FNDC3B: variants seen among roughly 807,000 people sequenced by gnomAD.
FNDC3B encodes fibronectin type III domain containing 3B.
In FNDC3B, 12 loss-of-function variants were observed where a neutral mutation model predicts 151.5. The observed-to-expected ratio is 0.08, with a 90% CI of 0.05 to 0.13. The LOEUF (loss-of-function observed/expected upper bound fraction) is 0.13. Ranked by LOEUF, FNDC3B falls within the 10% of genes least tolerant of loss-of-function variation. The probability of loss-of-function intolerance (pLI) is 1.00; values close to 1 mark genes in which losing one functional copy is unlikely to be tolerated. For missense variants in FNDC3B, 1,214 were observed against 1,505.3 expected, an observed-to-expected ratio of 0.81 and a Z score of 3.20; for synonymous variants, 528 against 549.0, an observed-to-expected ratio of 0.96 and a Z score of 0.54.
intron 3 of FNDC3B, among the ~76,000 whole-genome samples, chr3:172,190,174 T>C (rs1724429982): frequency 6.6e-6 from 1 of 152,130 alleles, no homozygotes; most frequent in Non-Finnish European, 1.5e-5. Flanking sequence ...CCTGACCCTT[T>C]ATAAAGGTGC....
chr3:172,388,348 T>A (rs1353190084), intron 25 of FNDC3B, among the ~76,000 whole-genome samples: 5 of 152,234 alleles, frequency 3.3e-5, no homozygotes, highest in Non-Finnish European at 7.3e-5. Flanking sequence ...TCATTTGGAA[T>A]AAACATGTCA....
chr3:172,254,245 T>G (rs781569655), intron 6 of FNDC3B, among the ~76,000 whole-genome samples: 1 of 152,212 alleles, frequency 6.6e-6, no homozygotes, highest in Non-Finnish European at 1.5e-5. Flanking sequence ...ATTTCTCTCT[T>G]GAGGTCTAGT....
chr3:172,239,826 A>G (rs1727387256), intron 4 of FNDC3B, among the ~76,000 whole-genome samples: 1 of 144,004 alleles, frequency 6.9e-6, no homozygotes, highest in Non-Finnish European at 1.5e-5. Context: ...TCAAAAAAAT[A>G]TAAATGTTTT....
At chr3:172,318,565 G>C (rs1382346087) in intron 11 of FNDC3B, among the ~76,000 whole-genome samples, 3 of 152,172 alleles carry the variant, frequency 2.0e-5, no homozygotes, top group African/African-American at 7.2e-5. Flanking sequence ...GAAGGGAATG[G>C]AGCAGCTACA....
chr3:172,091,615 G>C (rs577475409), intron 1 of FNDC3B, among the ~76,000 whole-genome samples: 3 of 152,196 alleles, frequency 2.0e-5, no homozygotes, highest in South Asian at 4.1e-4. Context: ...ATTTGCTTTG[G>C]AGCATCTTAA....
At chr3:172,362,575 T>A (rs1378334904) in intron 22 of FNDC3B, 58 bp from the exon 23 acceptor site, 1 of 1,247,766 alleles carries the variant, frequency 8.0e-7, no homozygotes, top group Admixed American at 1.7e-5. Flanking sequence ...TTATTTCGAA[T>A]GAAGAATTGC....
chr3:172,084,472 T>TACACACACACACACAC (rs138156277), intron 1 of FNDC3B, among the ~76,000 whole-genome samples: 30,801 of 143,120 alleles, frequency 0.22, 3,791 homozygotes, highest in Admixed American at 0.3. Flanking sequence ...TGTATATGTA[T>TACACACACACACACAC]ACACACACAC....
chr3:172,328,886 T>C (rs534399132), intron 11 of FNDC3B, 66 bp from the exon 12 acceptor site: 3 of 1,277,694 alleles, frequency 2.3e-6, no homozygotes, highest in Non-Finnish European at 3.2e-6. Flanking sequence ...GCTCCTTCAT[T>C]TATTTAGGGT....
chr3:172,340,433 C>T (rs1733242116), intron 16 of FNDC3B, among the ~76,000 whole-genome samples: 1 of 152,002 alleles, frequency 6.6e-6, no homozygotes, highest in Non-Finnish European at 1.5e-5. Flanking sequence ...TTACAGGTGC[C>T]CACCACCATG....
At chr3:172,371,077 A>G (rs1734858880) in intron 23 of FNDC3B, among the ~76,000 whole-genome samples, 1 of 152,162 alleles carries the variant, frequency 6.6e-6, no homozygotes, top group Non-Finnish European at 1.5e-5. Flanking sequence ...TTGTTTCCTC[A>G]GTATCTATGG....
intron 1 of FNDC3B, among the ~76,000 whole-genome samples, chr3:172,095,792 AAAACAAAC>A (rs138577405): frequency 0.036 from 5,505 of 151,126 alleles, 299 homozygotes; most frequent in African/African-American, 0.11. Context: ...CTTTGTTAAA[AAAACAAAC>A]AAACAAACAA....
intron 3 of FNDC3B, chr3:172,186,793 A>G (rs1724209067): frequency 2.9e-6 from 2 of 699,578 alleles, no homozygotes; most frequent in African/African-American, 1.8e-5. Context: ...CTCATGTTTC[A>G]TGATCTGTGT....
chr3:172,382,372 T>G (rs754021532), intron 25 of FNDC3B, among the ~76,000 whole-genome samples: 4 of 152,208 alleles, frequency 2.6e-5, no homozygotes, highest in Non-Finnish European at 5.9e-5. Flanking sequence ...ATATTAGGCC[T>G]TTGTCAGATG....
intron 1 of FNDC3B, among the ~76,000 whole-genome samples, chr3:172,084,472 T>TACACAC (rs138156277): frequency 2.5e-4 from 36 of 143,638 alleles, no homozygotes; most frequent in Admixed American, 5.6e-4. Context: ...TGTATATGTA[T>TACACAC]ACACACACAC....
rs1722365617 is a variant in FNDC3B at position 172,154,137 on chromosome 3, T to C, written c.187+20591T>C. Among the ~76,000 whole-genome samples, 4 of 152,208 alleles carry C rather than the reference T, an allele frequency of 2.6e-5. No individual in the cohort carries two copies. In the South Asian group the frequency reaches 8.3e-4, roughly 32 times the overall value. On this transcript the variant is annotated intron_variant, in intron 3 of 25. Transcript: ENST00000415807. Reference sequence around the variant, plus strand: ...AGGACAGCTCCTTGTTACTGTCTTCTAATAGGCCCCCCAAAAGTCATAGTA... The same window carrying C: ...AGGACAGCTCCTTGTTACTGTCTTCCAATAGGCCCCCCAAAAGTCATAGTA...
intron 3 of FNDC3B, among the ~76,000 whole-genome samples, chr3:172,141,325 T>G (rs1721621430): frequency 6.6e-6 from 1 of 152,254 alleles, no homozygotes; most frequent in African/African-American, 2.4e-5. Flanking sequence ...ATGTGTATAC[T>G]GTTCAGATAT....
In FNDC3B at chr3:172,298,797, G is replaced by T. The variant is rs180842271; in HGVS notation, c.1061+10G>T. ...CAGATTATCATGTGAGGTGAGTTAG[G>T]ATATAAGAGCCAAACTGTATTGGAG... On this transcript the variant is annotated intron_variant, in intron 9 of 25. Coordinates refer to ENST00000415807, the MANE Select transcript of FNDC3B (RefSeq NM_022763.4). The T allele has an allele frequency of 1.3e-6, 2 of 1,595,820 alleles. No homozygotes were observed. Among genetic ancestry groups the T allele is most frequent in the African/African-American group, 1.3e-5 (1 of 74,100 alleles).
At chr3:172,343,167 T>C (rs1478906574) in intron 18 of FNDC3B, 51 bp downstream of exon 18, 2 of 940,504 alleles carry the variant, frequency 2.1e-6, no homozygotes, top group Non-Finnish European at 3.5e-6. Flanking sequence ...CAATTGGAGA[T>C]GAAGACTTAT....
chr3:172,102,753 A>G (rs1396072103), intron 1 of FNDC3B, among the ~76,000 whole-genome samples: 7 of 152,084 alleles, frequency 4.6e-5, no homozygotes, highest in African/African-American at 1.7e-4. Context: ...ATGTGTTCTG[A>G]CTTCCTGTCT....
Sources: gnomAD v4.1 joint callset for allele counts (sites outside exome capture counted in the v4.1 genomes callset) on GRCh38, gnomAD v4.1.1 for gene constraint, MANE v1.5 for transcripts, NCBI Gene and HGNC (gene_info 2026-07-23, HGNC 2026-07-21) for gene names.